RBFOX1: variants seen among roughly 807,000 people sequenced by gnomAD.
RBFOX1 encodes RNA binding protein fox-1 homolog 1.
Under a neutral mutation model 57.7 loss-of-function variants are expected in RBFOX1, and 8 were observed. That is an observed-to-expected ratio of 0.14 (90% confidence interval 0.08 to 0.25). The LOEUF is 0.25. RBFOX1 is among the 10% of genes least tolerant of loss of function. The probability of loss-of-function intolerance (pLI) is 1.00; values close to 1 mark genes in which losing one functional copy is unlikely to be tolerated. For synonymous variants in RBFOX1, 326 were observed against 222.4 expected (o/e 1.47, Z -4.15); for missense variants, 611 against 548.5 (o/e 1.11, Z -1.14).
At chr16:6,793,385 G>A (rs969317514) in intron 3 of RBFOX1, among the ~76,000 whole-genome samples, 3 of 152,076 alleles carry the variant, frequency 2.0e-5, no homozygotes, top group African/African-American at 7.2e-5. Context: ...GGACTCTATA[G>A]GTTCACTGCA....
chr16:7,294,993 A>G (rs888303437), intron 4 of RBFOX1, among the ~76,000 whole-genome samples: 1 of 152,216 alleles, frequency 6.6e-6, no homozygotes, highest in Non-Finnish European at 1.5e-5. Context: ...TCTACCTTGC[A>G]GGATTTTGTG....
At chr16:7,684,050 G>A (rs147736195) in intron 14 of RBFOX1, among the ~76,000 whole-genome samples, 74 of 152,052 alleles carry the variant, frequency 4.9e-4, no homozygotes, top group Non-Finnish European at 9.1e-4. Flanking sequence ...TTCAGTAAAA[G>A]TGTCTAATAT....
chr16:6,937,110 A>AT (rs2077500313), intron 3 of RBFOX1, among the ~76,000 whole-genome samples: 1 of 152,134 alleles, frequency 6.6e-6, no homozygotes, highest in South Asian at 2.1e-4. Flanking sequence ...AAATAAATAA[A>AT]AAAAGATCCA....
chr16:6,078,461 T>A (rs1004011262), intron 1 of RBFOX1, among the ~76,000 whole-genome samples: 1 of 152,144 alleles, frequency 6.6e-6, no homozygotes, highest in African/African-American at 2.4e-5. Context: ...ATTTTATGTA[T>A]GACCTGAGAC....
rs528462171 is a variant in RBFOX1 at position 7,371,254 on chromosome 16, A to G, written c.28-146893A>G. Among the ~76,000 whole-genome samples, 144 of 152,290 alleles carry G rather than the reference A, an allele frequency of 9.5e-4. 1 individual carries two copies. Among genetic ancestry groups the G allele is most frequent in the East Asian group, 1.4e-3 (7 of 5,184 alleles). ...CCCAGGAAGAATCAAGAAGTAAACAAATGTGCCACAGTCCTACCACTGAGA... is the reference window on the plus strand; with the variant it reads ...CCCAGGAAGAATCAAGAAGTAAACAGATGTGCCACAGTCCTACCACTGAGA... On this transcript the variant is annotated intron_variant, in intron 4 of 15. Transcript: ENST00000550418.
intron 1 of RBFOX1, among the ~76,000 whole-genome samples, chr16:5,347,813 T>C (rs1355572425): frequency 1.5e-5 from 2 of 132,202 alleles, no homozygotes; most frequent in Non-Finnish European, 3.2e-5. Flanking sequence ...CACTTAATCA[T>C]GCACTCACCC....
chr16:7,682,941 C>G (rs1349669508), intron 14 of RBFOX1, among the ~76,000 whole-genome samples: 1 of 118,190 alleles, frequency 8.5e-6, no homozygotes, highest in East Asian at 2.7e-4. Flanking sequence ...CACAGTTATA[C>G]CTGTGAGATT....
intron 3 of RBFOX1, among the ~76,000 whole-genome samples, chr16:6,826,918 G>A (rs2092222259): frequency 6.6e-6 from 1 of 152,164 alleles, no homozygotes; most frequent in African/African-American, 2.4e-5. Flanking sequence ...AATCTCTGAT[G>A]TTCCATTTTT....
At chr16:6,706,688 G>A (rs7196815) in intron 3 of RBFOX1, among the ~76,000 whole-genome samples, 39,857 of 148,612 alleles carry the variant, frequency 0.27, 6,223 homozygotes, top group East Asian at 0.64. Flanking sequence ...TGGCTGAGTT[G>A]TTCTAATGGC....
chr16:7,539,010 A>G (rs189897771), intron 5 of RBFOX1, among the ~76,000 whole-genome samples: 3 of 152,240 alleles, frequency 2.0e-5, no homozygotes, highest in South Asian at 2.1e-4. Context: ...TCAAGAAATG[A>G]GAGTAGAAGC....
chr16:7,148,217 A>G (rs866405226), intron 4 of RBFOX1, among the ~76,000 whole-genome samples: 1 of 152,204 alleles, frequency 6.6e-6, no homozygotes, highest in African/African-American at 2.4e-5. Flanking sequence ...AACAATTAAG[A>G]TGAAAACAAA....
intron 2 of RBFOX1, among the ~76,000 whole-genome samples, chr16:5,507,155 A>G (rs903164160): frequency 6.6e-6 from 1 of 152,108 alleles, no homozygotes; most frequent in African/African-American, 2.4e-5. Flanking sequence ...GGTCAGGATG[A>G]AGAAAACAAA....
intron 4 of RBFOX1, among the ~76,000 whole-genome samples, chr16:7,078,440 C>G (rs557183751): frequency 6.6e-6 from 1 of 152,094 alleles, no homozygotes; most frequent in Non-Finnish European, 1.5e-5. Flanking sequence ...CTCCGCCTCC[C>G]GGATTCAAGC....
rs149213093 is a variant in RBFOX1 at position 6,851,787 on chromosome 16, C to A, written c.-16+197137C>A. On this transcript the variant is annotated intron_variant, in intron 3 of 15. Coordinates refer to ENST00000550418, the MANE Select transcript of RBFOX1 (RefSeq NM_018723.4). ...GAAGGACTGGCAGGTGGCACCCGGA[C>A]CCTTAACTCCTTCCTCTGGGCATCA... Among the ~76,000 whole-genome samples, 5 of 152,276 alleles carry A rather than the reference C, an allele frequency of 3.3e-5. No homozygotes were observed. The East Asian group carries it at 5.8e-4, about 18-fold the overall frequency.
chr16:7,688,824 C>G (rs1037442894), intron 14 of RBFOX1, among the ~76,000 whole-genome samples: 1 of 152,058 alleles, frequency 6.6e-6, no homozygotes, highest in Non-Finnish European at 1.5e-5. Context: ...GTTTTTAATT[C>G]TTTCTCTCAA....
At chr16:5,518,729 T>C (rs548883742) in intron 2 of RBFOX1, among the ~76,000 whole-genome samples, 1 of 152,254 alleles carries the variant, frequency 6.6e-6, no homozygotes, top group African/African-American at 2.4e-5. Context: ...TCCTCAACTG[T>C]GAAGCGAAGG....
chr16:7,538,524 G>A (rs997209094), intron 5 of RBFOX1, among the ~76,000 whole-genome samples: 2 of 152,128 alleles, frequency 1.3e-5, no homozygotes, highest in African/African-American at 4.8e-5. Context: ...AACTGGCACC[G>A]AAGATTGAGG....
intron 10 of RBFOX1, among the ~76,000 whole-genome samples, chr16:7,625,731 G>C (rs1480563395): frequency 1.3e-5 from 2 of 152,168 alleles, no homozygotes; most frequent in East Asian, 3.9e-4. Flanking sequence ...TTGGAACTGT[G>C]CCCATTTGAT....
At chr16:7,660,121 T>C (rs1016599499) in intron 12 of RBFOX1, among the ~76,000 whole-genome samples, 6 of 152,228 alleles carry the variant, frequency 3.9e-5, no homozygotes, top group East Asian at 3.8e-4. Context: ...CACGAGCAGA[T>C]TGTATAGTTT....
Sources: gnomAD v4.1 joint callset for allele counts (sites outside exome capture counted in the v4.1 genomes callset) on GRCh38, gnomAD v4.1.1 for gene constraint, MANE v1.5 for transcripts, NCBI Gene and HGNC (gene_info 2026-07-23, HGNC 2026-07-21) for gene names.